The following DOCK10 variants were observed in gnomAD, a reference collection of about 807,000 sequenced individuals.
DOCK10 encodes the protein dedicator of cytokinesis protein 10.
DOCK10 carries 145 observed loss-of-function variants against 280.1 expected under a neutral mutation model. The observed-to-expected ratio is 0.52, with a 90% CI of 0.45 to 0.59. DOCK10 has a LOEUF of 0.59. Among genes scored for constraint, DOCK10 ranks in the 20% least tolerant of loss-of-function variants. DOCK10 has a pLI of 0.00. For synonymous variants in DOCK10, 915 were observed against 942.2 expected (o/e 0.97, Z 0.53); for missense variants, 2,368 against 2,651.7 (o/e 0.89, Z 2.35).
At chr2:224,800,837 T>C (rs1692935588) in intron 40 of DOCK10, among the ~76,000 whole-genome samples, 1 of 152,196 alleles carries the variant, frequency 6.6e-6, no homozygotes, top group Non-Finnish European at 1.5e-5. Context: ...GTGTTTGGGC[T>C]ACAGCTAGGT....
chr2:224,812,370 A>C (rs77962839), intron 31 of DOCK10, among the ~76,000 whole-genome samples: 39,770 of 152,022 alleles, frequency 0.26, 8,377 homozygotes, highest in African/African-American at 0.59. Flanking sequence ...TGCTTATCAG[A>C]TTGAGGAGAT....
At chr2:224,936,342 G>A (rs1457221829) in intron 1 of DOCK10, among the ~76,000 whole-genome samples, 3 of 152,106 alleles carry the variant, frequency 2.0e-5, no homozygotes, top group Admixed American at 1.3e-4. Flanking sequence ...TGGTACAAAA[G>A]GAAAGATAAA....
intron 1 of DOCK10, among the ~76,000 whole-genome samples, chr2:224,961,314 C>G (rs1704370495): frequency 6.6e-6 from 1 of 152,170 alleles, no homozygotes; most frequent in Admixed American, 6.5e-5. Context: ...TTCCTCAGAG[C>G]TCCAATTCCC....
At chr2:224,976,190 C>T (rs905791407) in intron 1 of DOCK10, among the ~76,000 whole-genome samples, 1 of 150,806 alleles carries the variant, frequency 6.6e-6, no homozygotes, top group African/African-American at 2.4e-5. Context: ...ACAATGAGAA[C>T]ACATGGACAC....
At position 224,844,745 on chromosome 2, in the gene DOCK10, A is replaced by T; in HGVS notation, c.2568+8T>A. Reference sequence around the variant, plus strand: ...GAAGATGCTAGTATTTCAGGTCAACATACTCACCTGAGTATTTACTGTTGA... The same window carrying T: ...GAAGATGCTAGTATTTCAGGTCAACTTACTCACCTGAGTATTTACTGTTGA... On this transcript the variant is annotated splice_region_variant and intron_variant, in intron 22 of 55. Transcript: ENST00000258390. 1 of 1,566,972 alleles carries T rather than the reference A, an allele frequency of 6.4e-7. No homozygotes were observed. Among genetic ancestry groups the T allele is most frequent in the Non-Finnish European group, 8.7e-7 (1 of 1,148,284 alleles).
intron 48 of DOCK10, among the ~76,000 whole-genome samples, chr2:224,788,493 C>T (rs1691906285): frequency 6.6e-6 from 1 of 151,970 alleles, no homozygotes; most frequent in South Asian, 2.1e-4. Context: ...TATTAAAATT[C>T]ATCTGAAAAT....
At chr2:224,921,186 C>T (rs1217426637) in intron 2 of DOCK10, among the ~76,000 whole-genome samples, 5 of 140,638 alleles carry the variant, frequency 3.6e-5, no homozygotes, top group African/African-American at 1.4e-4. Context: ...CCTGTAATCC[C>T]AGCTACTCAG....
At position 224,823,544 on chromosome 2, in the gene DOCK10, T is replaced by C. The variant is rs771436841; in HGVS notation, c.3140A>G (p.Glu1047Gly). ...GCTGTGGTTTGCCCTTCTTGTTTCT[T>C]CAAGTGCATCCTTGTATTTCCAAAT... ...HVIWKYKDAL[E>G]ETRRANHSVA... Residue 1047 changes from glutamate to glycine, a missense_variant, in exon 28 of 56, where the codon GAA (glutamate) becomes GGA (glycine). Glu to Gly is a moderately conservative substitution (Grantham distance 98). Transcript: ENST00000258390. The C allele has an allele frequency of 4.2e-5, 67 of 1,609,204 alleles. No individual in the cohort carries two copies. The South Asian group carries it at 7.2e-4, about 17-fold the overall frequency.
At chr2:224,771,051 C>T (rs555035379) in intron 53 of DOCK10, among the ~76,000 whole-genome samples, 12 of 152,256 alleles carry the variant, frequency 7.9e-5, no homozygotes, top group African/African-American at 2.4e-4. Flanking sequence ...TCGCCTCAGC[C>T]TCTCAAGTAG....
intron 1 of DOCK10, among the ~76,000 whole-genome samples, chr2:224,943,654 T>C (rs1050697880): frequency 6.6e-6 from 1 of 152,174 alleles, no homozygotes; most frequent in Non-Finnish European, 1.5e-5. Context: ...CTCATCTTTA[T>C]TTGTTGGGCA....
intron 50 of DOCK10, among the ~76,000 whole-genome samples, chr2:224,782,162 C>T (rs1691390154): frequency 6.6e-6 from 1 of 152,122 alleles, no homozygotes; most frequent in Non-Finnish European, 1.5e-5. Context: ...AGCGACTTTC[C>T]TATAGGTGGA....
chr2:224,789,722 G>A (rs1181852005), intron 47 of DOCK10, among the ~76,000 whole-genome samples: 1 of 151,816 alleles, frequency 6.6e-6, no homozygotes, highest in African/African-American at 2.4e-5. Context: ...CCTGGGTGAC[G>A]GAGTGAGACC....
At chr2:224,844,381 C>T (rs571724349) in intron 22 of DOCK10, among the ~76,000 whole-genome samples, 6 of 152,274 alleles carry the variant, frequency 3.9e-5, no homozygotes, top group South Asian at 2.1e-4. Context: ...CTGCCCGCCT[C>T]GGCCTCCCAA....
chr2:224,960,717 G>C (rs538267268), intron 1 of DOCK10, among the ~76,000 whole-genome samples: 110 of 139,690 alleles, frequency 7.9e-4, no homozygotes, highest in African/African-American at 2.8e-3. Context: ...CACAATGAAC[G>C]CATCACCAAA....
At chr2:224,973,385 T>C (rs1705205473) in intron 1 of DOCK10, among the ~76,000 whole-genome samples, 1 of 152,090 alleles carries the variant, frequency 6.6e-6, no homozygotes, top group African/African-American at 2.4e-5. Context: ...GTGGGGCCAA[T>C]GTAATCACAG....
At chr2:225,020,850 A>T (rs975261223) in intron 1 of DOCK10, among the ~76,000 whole-genome samples, 8 of 152,226 alleles carry the variant, frequency 5.3e-5, no homozygotes, top group African/African-American at 1.9e-4. Context: ...GCCCTCTCTT[A>T]CTTCTTGCAT....
intron 1 of DOCK10, among the ~76,000 whole-genome samples, chr2:224,950,320 G>A (rs1161636236): frequency 6.6e-6 from 1 of 152,228 alleles, no homozygotes; most frequent in Non-Finnish European, 1.5e-5. Flanking sequence ...CAAGTACTAT[G>A]TGCTGGATGC....
chr2:224,804,583 T>G (rs1693258643), intron 38 of DOCK10, among the ~76,000 whole-genome samples: 1 of 152,128 alleles, frequency 6.6e-6, no homozygotes, highest in African/African-American at 2.4e-5. Context: ...TTTTTGTGCT[T>G]TTCTCCCTAG....
At chr2:224,939,631 C>A (rs749892207) in intron 1 of DOCK10, among the ~76,000 whole-genome samples, 26 of 152,082 alleles carry the variant, frequency 1.7e-4, no homozygotes, top group Non-Finnish European at 3.5e-4. Flanking sequence ...GAAATTAATG[C>A]CTTAGAGTAA....
Sources: allele counts gnomAD v4.1 joint callset (sites outside exome capture counted in the v4.1 genomes callset), GRCh38; gene constraint gnomAD v4.1.1; transcripts MANE v1.5; gene names NCBI Gene and HGNC (gene_info 2026-07-23, HGNC 2026-07-21).